The following MTCL3 variants were observed in gnomAD, a reference collection of about 807,000 sequenced individuals.
MTCL3 encodes MTCL family member 3, also known as microtubule cross-linking factor 3.
At chr6:127,508,240 A>G in the MTCL3 span, among the ~76,000 whole-genome samples, 1 of 152,210 alleles carries the variant, frequency 6.6e-6, no homozygotes, top group Non-Finnish European at 1.5e-5. Flanking sequence ...AACATTCCCT[A>G]TTAGAACCAA....
chr6:127,484,039 G>C, the MTCL3 span, among the ~76,000 whole-genome samples: 1 of 152,120 alleles, frequency 6.6e-6, no homozygotes, highest in East Asian at 1.9e-4. Context: ...ATGGCAGGTG[G>C]TGAAAAAAAT....
chr6:127,490,677 T>G, the MTCL3 span, among the ~76,000 whole-genome samples: 1 of 151,922 alleles, frequency 6.6e-6, no homozygotes, highest in Non-Finnish European at 1.5e-5. Context: ...ATTAGCCTAG[T>G]GTAGTGATGC....
At chr6:127,481,431 T>C in the MTCL3 span, 1 of 985,338 alleles carries the variant, frequency 1.0e-6, no homozygotes, top group Non-Finnish European at 1.2e-6. Flanking sequence ...TGAGACTCTC[T>C]GGGATTCTAA....
the MTCL3 span, chr6:127,475,452 C>T: frequency 1.2e-6 from 2 of 1,613,330 alleles, no homozygotes; most frequent in South Asian, 2.2e-5. The surrounding 1 kb of genome is among the most constrained non-coding windows in gnomAD (Gnocchi z 7.3). Flanking sequence ...CGTCGTCCTC[C>T]TCGTCCATGA....
chr6:127,509,136 G>A, the MTCL3 span, among the ~76,000 whole-genome samples: 1 of 152,230 alleles, frequency 6.6e-6, no homozygotes, highest in Non-Finnish European at 1.5e-5. Context: ...AGCAATCAGT[G>A]TTTTATAATT....
chr6:127,500,136 AT>A, the MTCL3 span, among the ~76,000 whole-genome samples: 1 of 152,150 alleles, frequency 6.6e-6, no homozygotes, highest in African/African-American at 2.4e-5. Context: ...TCTTGGGTGA[AT>A]TCTGTTTCCC....
At chr6:127,487,012 C>G in the MTCL3 span, among the ~76,000 whole-genome samples, 1 of 152,118 alleles carries the variant, frequency 6.6e-6, no homozygotes, top group African/African-American at 2.4e-5. Context: ...ACTATAGAGA[C>G]ATTAATATTT....
chr6:127,507,694 T>G, the MTCL3 span, among the ~76,000 whole-genome samples: 1 of 151,604 alleles, frequency 6.6e-6, no homozygotes, highest in East Asian at 1.9e-4. Flanking sequence ...ATACAAAAAA[T>G]TAGCCGGGCA....
At chr6:127,498,758 T>C in the MTCL3 span, among the ~76,000 whole-genome samples, 1 of 152,178 alleles carries the variant, frequency 6.6e-6, no homozygotes, top group African/African-American at 2.4e-5. Flanking sequence ...AATGAATTAC[T>C]GATACACGCT....
chr6:127,495,497 G>A, the MTCL3 span, among the ~76,000 whole-genome samples: 5 of 152,216 alleles, frequency 3.3e-5, no homozygotes, highest in South Asian at 6.2e-4. Context: ...AACCAGCTTC[G>A]AACTCATTAA....
At chr6:127,483,590 G>T in the MTCL3 span, among the ~76,000 whole-genome samples, 4 of 152,264 alleles carry the variant, frequency 2.6e-5, no homozygotes, top group East Asian at 7.7e-4. Flanking sequence ...ACAGGAATGT[G>T]GGCTTTTACA....
chr6:127,475,872 C>G, the MTCL3 span: 1 of 1,613,700 alleles, frequency 6.2e-7, no homozygotes, highest in Non-Finnish European at 8.5e-7. The surrounding 1 kb of genome is among the most constrained non-coding windows in gnomAD (Gnocchi z 7.3). Flanking sequence ...GCTGCATGAC[C>G]TTGCCGCTGA....
chr6:127,509,632 A>G, the MTCL3 span, among the ~76,000 whole-genome samples: 3 of 152,168 alleles, frequency 2.0e-5, no homozygotes, highest in East Asian at 5.8e-4. Context: ...TTCTCCTTTA[A>G]AAAAATGACA....
chr6:127,496,243 G>A, the MTCL3 span, among the ~76,000 whole-genome samples: 1 of 152,226 alleles, frequency 6.6e-6, no homozygotes, highest in Middle Eastern at 3.4e-3. Flanking sequence ...TGTTCATATT[G>A]TTACTCAAAT....
chr6:127,502,071 T>C, the MTCL3 span, among the ~76,000 whole-genome samples: 4 of 152,240 alleles, frequency 2.6e-5, no homozygotes, highest in South Asian at 4.1e-4. Context: ...CAATCTTATC[T>C]TTCTAAACCT....
the MTCL3 span, among the ~76,000 whole-genome samples, chr6:127,497,320 G>A: frequency 6.6e-6 from 1 of 152,146 alleles, no homozygotes; most frequent in Non-Finnish European, 1.5e-5. Context: ...ATTCAAACAA[G>A]TAGGAATTAG....
chr6:127,494,943 A>T, the MTCL3 span, among the ~76,000 whole-genome samples: 2 of 152,158 alleles, frequency 1.3e-5, no homozygotes, highest in African/African-American at 2.4e-5. Flanking sequence ...CACACCTGTA[A>T]TCCCAGCACT....
chr6:127,500,819 A>G, the MTCL3 span, among the ~76,000 whole-genome samples: 1 of 149,418 alleles, frequency 6.7e-6, no homozygotes, highest in Non-Finnish European at 1.5e-5. Context: ...AACTGAAAGA[A>G]TTTTTTTTTT....
At chr6:127,495,668 C>G in the MTCL3 span, among the ~76,000 whole-genome samples, 1 of 152,088 alleles carries the variant, frequency 6.6e-6, no homozygotes. Flanking sequence ...TTTCATAATA[C>G]AAATTTAAAG....
Sources: gnomAD v4.1 joint callset for allele counts (sites outside exome capture counted in the v4.1 genomes callset) on GRCh38, gnomAD v4.1.1 for gene constraint, Gnocchi (gnomAD v3.1) non-coding constraint, MANE v1.5 for transcripts, NCBI Gene and HGNC (gene_info 2026-07-23, HGNC 2026-07-21) for gene names.